KIAA1217: variants seen among roughly 807,000 people sequenced by gnomAD.
KIAA1217 encodes sickle tail protein homolog.
A neutral mutation model predicts 163.9 loss-of-function variants in KIAA1217; 88 were observed. The ratio of observed to expected loss-of-function variants is 0.54; its 90% CI spans 0.45 to 0.64. The LOEUF (loss-of-function observed/expected upper bound fraction) is 0.64. Among genes scored for constraint, KIAA1217 ranks in the 30% least tolerant of loss-of-function variants. KIAA1217 has a pLI of 0.00. For missense variants in KIAA1217, 2,372 were observed against 2,475.0 expected, an observed-to-expected ratio of 0.96 and a Z score of 0.88; for synonymous variants, 903 against 923.1, an observed-to-expected ratio of 0.98 and a Z score of 0.39.
intron 2 of KIAA1217, among the ~76,000 whole-genome samples, chr10:24,318,893 G>A (rs2043755707): frequency 6.6e-6 from 1 of 152,200 alleles, no homozygotes; most frequent in South Asian, 2.1e-4. Context: ...CCCTCAAAAA[G>A]TTAAAATATC....
chr10:24,220,177 A>G (rs2069387430), intron 2 of KIAA1217, among the ~76,000 whole-genome samples: 1 of 152,136 alleles, frequency 6.6e-6, no homozygotes. Flanking sequence ...GTTCCCCAAA[A>G]GAGTGTTCCC....
At chr10:24,101,165 T>A (rs187985872) in intron 2 of KIAA1217, among the ~76,000 whole-genome samples, 455 of 152,156 alleles carry the variant, frequency 3.0e-3, no homozygotes, top group Non-Finnish European at 4.1e-3. Context: ...GGAGTCAAGG[T>A]CAAAATACAG....
rs138694904 is a variant in KIAA1217, at chr10:23,747,607, A to C, written c.-321+52373A>C. 8.9e-4 allele frequency among the ~76,000 whole-genome samples: 136 copies of C among 152,306 alleles called. 1 individual carries two copies. The highest frequency in any genetic ancestry group is 3.1e-3 in the African/African-American group (127 of 41,584). On this transcript the variant is annotated intron_variant, in intron 1 of 18. Transcript: ENST00000376462. ...AAGGACATTTCCTTATTAGGAAGGG[A>C]TTGAGAATAGATCCCAGAGGGAGCA... is the stretch of plus-strand genomic sequence containing the variant.
chr10:23,866,036 T>A (rs1404980594), intron 1 of KIAA1217, among the ~76,000 whole-genome samples: 2 of 152,162 alleles, frequency 1.3e-5, no homozygotes, highest in Non-Finnish European at 2.9e-5. Context: ...CTGTATTCTT[T>A]TTTCTCATGA....
intron 5 of KIAA1217, among the ~76,000 whole-genome samples, chr10:24,457,831 T>G (rs147094147): frequency 3.3e-3 from 503 of 152,280 alleles, no homozygotes; most frequent in African/African-American, 0.012. Context: ...AGACAGTGTG[T>G]AGCTCCTTAC....
intron 2 of KIAA1217, among the ~76,000 whole-genome samples, chr10:24,337,671 T>G (rs1393202794): frequency 7.1e-6 from 1 of 140,796 alleles, no homozygotes; most frequent in Non-Finnish European, 1.5e-5. Flanking sequence ...TTGAGACGAG[T>G]CTCATACTGT....
rs1177259021 is a variant in KIAA1217 at position 24,346,568 on chromosome 10, C to CTT, written c.355-34282_355-34281dup. ...TTTGGTATTTTGGGTTTTGTTGGCC[C>CTT]TTTTTTTTTTTTTTTTTTTTGGAGG... On this transcript the variant is annotated intron_variant, in intron 2 of 20. Coordinates refer to ENST00000376454, the MANE Select transcript of KIAA1217 (RefSeq NM_019590.5). 4.0e-3 allele frequency among the ~76,000 whole-genome samples: 479 copies of CTT among 121,032 alleles called. 3 individuals are homozygous for CTT. The highest frequency in any genetic ancestry group is 4.7e-3 in the African/African-American group (149 of 31,958). The allele number at this position is 121,032 out of a possible 152,430, so 79.4% of individuals were successfully genotyped here. A position where few individuals can be genotyped will look rare whatever the true frequency, so the allele number is the denominator to read the frequency against.
chr10:24,062,980 T>A (rs1170882540), intron 2 of KIAA1217, among the ~76,000 whole-genome samples: 1 of 152,084 alleles, frequency 6.6e-6, no homozygotes, highest in East Asian at 1.9e-4. Context: ...CACTTTTCGA[T>A]GGGGTTGTTT....
intron 2 of KIAA1217, chr10:24,042,128 C>T (rs1351289600): frequency 6.6e-6 from 1 of 152,196 alleles, no homozygotes; most frequent in African/African-American, 2.4e-5. Context: ...ATCCAAGGGG[C>T]AGCCCAGCAC....
intron 1 of KIAA1217, among the ~76,000 whole-genome samples, chr10:23,869,404 G>A (rs1417477101): frequency 6.6e-6 from 1 of 151,934 alleles, no homozygotes; most frequent in Non-Finnish European, 1.5e-5. Context: ...TGTTTCAAGT[G>A]GGTGGCAGTG....
Position 24,543,730 on chromosome 10 carries a change from A to G in KIAA1217, c.4460A>G (p.Glu1487Gly). ...EEKIEEEEEE[E>G]NGDSVVQNNN... is the part of the protein sequence containing the mutation. ...AAGATAGAGGAGGAGGAAGAGGAGGAAAATGGGGATTCTGTAGTCCAGAAT... is the reference window on the plus strand; with the variant it reads ...AAGATAGAGGAGGAGGAAGAGGAGGGAAATGGGGATTCTGTAGTCCAGAAT... Residue 1487 changes from glutamate (E) to glycine (G), a missense_variant, in exon 19 of 21, where the codon GAA becomes GGA. This residue lies in a region of KIAA1217 where 690 missense variants were observed against 677.5 expected (regional missense o/e 1.02). Transcript: ENST00000376454. 6.2e-7 allele frequency: 1 copy of G among 1,613,932 alleles called. No homozygotes were observed. Among genetic ancestry groups the G allele is most frequent in the Non-Finnish European group, 8.5e-7 (1 of 1,179,898 alleles).
At chr10:23,889,883 T>C (rs1841348851) in intron 1 of KIAA1217, among the ~76,000 whole-genome samples, 1 of 151,866 alleles carries the variant, frequency 6.6e-6, no homozygotes, top group South Asian at 2.1e-4. Context: ...TTAGTATATT[T>C]CTTAGGATTT....
intron 1 of KIAA1217, among the ~76,000 whole-genome samples, chr10:23,904,216 C>G (rs562574945): frequency 3.3e-5 from 5 of 152,060 alleles, no homozygotes; most frequent in Non-Finnish European, 5.9e-5. Context: ...ATATGCATTG[C>G]CTGAAATAAT....
intron 1 of KIAA1217, among the ~76,000 whole-genome samples, chr10:23,803,007 C>G (rs1836545805): frequency 6.6e-6 from 1 of 152,074 alleles, no homozygotes; most frequent in Non-Finnish European, 1.5e-5. Context: ...ATTATCATCC[C>G]TGTGTTATAG....
rs143627043 is a variant in KIAA1217 at position 24,236,659 on chromosome 10, G to GT, written c.354+16760dup. On this transcript the variant is annotated intron_variant, in intron 2 of 20. Transcript: ENST00000376454. ...TTTTCAGTGAGGAGTTTTTTTTTTT[G>GT]TTTTTTTTTTGAGGCATGTTCTTAC... Among the ~76,000 whole-genome samples, 982 of 138,436 alleles carry GT rather than the reference G, an allele frequency of 7.1e-3. 9 individuals are homozygous for GT. Among genetic ancestry groups the GT allele is most frequent in the East Asian group, 0.062 (290 of 4,712 alleles). 90.8% of individuals were successfully genotyped at this position (138,436 alleles called of 152,430 possible).
At chr10:23,933,658 A>T (rs1843348180) in intron 1 of KIAA1217, among the ~76,000 whole-genome samples, 1 of 152,208 alleles carries the variant, frequency 6.6e-6, no homozygotes, top group Non-Finnish European at 1.5e-5. Flanking sequence ...CAAAGGTCTA[A>T]TATCCAGAAT....
intron 1 of KIAA1217, among the ~76,000 whole-genome samples, chr10:23,704,629 G>A (rs928523608): frequency 6.6e-6 from 1 of 152,108 alleles, no homozygotes; most frequent in Non-Finnish European, 1.5e-5. Context: ...TGTTGCATGT[G>A]TCATTAATTC....
chr10:24,015,971 G>A lies in KIAA1217; in HGVS notation c.-171+8597G>A, dbSNP rs530436405. On this transcript the variant is annotated intron_variant, in intron 2 of 18. Coordinates refer to the KIAA1217 transcript ENST00000376462. The stretch of plus-strand genomic sequence containing the variant: ...AGCAAGTAAAGGTTTAAACTTCCCA[G>A]TATGTTCAGTTTATTTCTTAACATG... Among the ~76,000 whole-genome samples the A allele has an allele frequency of 1.1e-4, 16 of 151,890 alleles. No homozygotes were observed. The East Asian group carries it at 1.9e-3, about 18-fold the overall frequency.
intron 2 of KIAA1217, among the ~76,000 whole-genome samples, chr10:24,297,985 T>G (rs2040821073): frequency 6.6e-6 from 1 of 151,874 alleles, no homozygotes; most frequent in Non-Finnish European, 1.5e-5. Flanking sequence ...CTTGAGGCCG[T>G]GACTTTAGAA....
Sources: gnomAD v4.1 joint callset for allele counts (sites outside exome capture counted in the v4.1 genomes callset) on GRCh38, gnomAD v4.1.1 for gene constraint, gnomAD v4.1.1 regional missense constraint, MANE v1.5 for transcripts, NCBI Gene and HGNC (gene_info 2026-07-23, HGNC 2026-07-21) for gene names.